Variants in BIN3 observed in about 807,000 individuals in gnomAD.
The protein encoded by BIN3 is bridging integrator 3.
A neutral mutation model predicts 38.2 loss-of-function variants in BIN3; 41 were observed. The ratio of observed to expected loss-of-function variants is 1.07; its 90% CI spans 0.84 to 1.39. The LOEUF is 1.39. Ranked by LOEUF, BIN3 falls within the 40% of genes most tolerant of loss-of-function variation. The pLI is 0.00. For missense variants in BIN3, 361 were observed against 324.3 expected (o/e 1.11, Z -0.87); for synonymous variants, 145 against 122.6 (o/e 1.18, Z -1.21).
In BIN3 at chr8:22,621,552, T is replaced by G; in HGVS notation, c.632A>C (p.Glu211Ala). ...CAGGTCTCCAAAGATCTTGTGCATT[T>G]CCGAGTAGTACACAACCTGGGGGAG... The part of the protein sequence containing the change: ...LIRAQVVYYS[E>A]MHKIFGDLSH... Residue 211 changes from glutamate to alanine, a missense_variant, in exon 9 of 9, where the codon GAA becomes GCA. Glu to Ala is a moderately radical substitution (Grantham distance 107, BLOSUM62 -1). Coordinates refer to ENST00000276416, the MANE Select transcript of BIN3 (RefSeq NM_018688.6). The G allele has an allele frequency of 6.2e-7, 1 of 1,613,826 alleles. No homozygotes were observed. Among genetic ancestry groups the G allele is most frequent in the African/African-American group, 1.3e-5 (1 of 75,054 alleles).
chr8:22,642,443 C>T (rs1802593996), intron 2 of BIN3, among the ~76,000 whole-genome samples: 1 of 152,212 alleles, frequency 6.6e-6, no homozygotes, highest in Non-Finnish European at 1.5e-5. Context: ...CAAATAACTA[C>T]TCCGAGCTGT....
chr8:22,658,107 G>A (rs1803115954), intron 1 of BIN3, among the ~76,000 whole-genome samples: 1 of 152,240 alleles, frequency 6.6e-6, no homozygotes, highest in Non-Finnish European at 1.5e-5. Flanking sequence ...AGGGTTCTGC[G>A]CTCTCTGCCT....
chr8:22,636,304 G>T (rs1223154214), intron 4 of BIN3, among the ~76,000 whole-genome samples: 1 of 152,236 alleles, frequency 6.6e-6, no homozygotes, highest in Non-Finnish European at 1.5e-5. Flanking sequence ...AGTCCCAGGA[G>T]AGCCTTGCCC....
At chr8:22,631,952 A>G (rs1340909068) in intron 4 of BIN3, among the ~76,000 whole-genome samples, 1 of 152,256 alleles carries the variant, frequency 6.6e-6, no homozygotes, top group Non-Finnish European at 1.5e-5. Flanking sequence ...GAGAAGGGTC[A>G]TGCTGGCCTG....
At chr8:22,662,031 C>T (rs1016828075) in intron 1 of BIN3, among the ~76,000 whole-genome samples, 1 of 152,180 alleles carries the variant, frequency 6.6e-6, no homozygotes, top group African/African-American at 2.4e-5. Context: ...CTGACCTCAA[C>T]TGATCTGCCC....
intron 5 of BIN3, 114 bp from the exon 6 acceptor site, chr8:22,630,118 T>A: frequency 8.4e-7 from 1 of 1,191,202 alleles, no homozygotes; most frequent in Middle Eastern, 2.1e-4. Context: ...CAGGGTGCTG[T>A]CCTTGTCCTG....
intron 1 of BIN3, among the ~76,000 whole-genome samples, chr8:22,663,695 C>G (rs1803318367): frequency 6.6e-6 from 1 of 152,190 alleles, no homozygotes; most frequent in African/African-American, 2.4e-5. Flanking sequence ...AATGCAGCCT[C>G]TACCCAAACC....
At chr8:22,638,752 T>A (rs1459958387) in intron 2 of BIN3, among the ~76,000 whole-genome samples, 1 of 152,202 alleles carries the variant, frequency 6.6e-6, no homozygotes, top group Non-Finnish European at 1.5e-5. Flanking sequence ...TACTTTATGA[T>A]CCTAGCATCT....
At chr8:22,630,400 G>T (rs1401378159) in intron 5 of BIN3, 42 bp downstream of exon 5, 4 of 1,609,960 alleles carry the variant, frequency 2.5e-6, no homozygotes, top group Non-Finnish European at 3.4e-6. Context: ...CCCAGACCGG[G>T]CAGAAGTCAT....
intron 1 of BIN3, among the ~76,000 whole-genome samples, chr8:22,663,815 T>C (rs1322456649): frequency 6.6e-6 from 1 of 152,110 alleles, no homozygotes; most frequent in Non-Finnish European, 1.5e-5. Context: ...GATCCTTCTC[T>C]CCCTCCCACT....
Position 22,669,043 on chromosome 8 carries a change from C to A in BIN3, c.8+1G>T, listed in dbSNP as rs1213199581. 1 of 1,588,468 alleles carries A rather than the reference C, an allele frequency of 6.3e-7. No individual in the cohort carries two copies. Among genetic ancestry groups the A allele is most frequent in the Non-Finnish European group, 8.6e-7 (1 of 1,168,026 alleles). On this transcript the variant is annotated splice_donor_variant, in intron 1 of 8. Transcript: ENST00000276416. LOFTEE classifies it high-confidence loss of function. Reference sequence around the variant, plus strand: ...GCTCCCGCCGCCTGGGCCTCACTCACCAGCTCATGGTCCCGAACCTGCGTC... The same window carrying A: ...GCTCCCGCCGCCTGGGCCTCACTCAACAGCTCATGGTCCCGAACCTGCGTC...
At chr8:22,661,512 C>T (rs1244765864) in intron 1 of BIN3, among the ~76,000 whole-genome samples, 2 of 151,644 alleles carry the variant, frequency 1.3e-5, no homozygotes, top group Non-Finnish European at 2.9e-5. Flanking sequence ...CGTGCACCAC[C>T]ACGCCTGGCT....
chr8:22,624,452 G>A (rs1276802827), intron 6 of BIN3, 89 bp from the exon 7 acceptor site: 9 of 1,523,854 alleles, frequency 5.9e-6, no homozygotes, highest in African/African-American at 2.8e-5. Context: ...TGGCCTGGCT[G>A]GAGATGGGTC....
At chr8:22,628,882 G>C (rs1802091094) in intron 6 of BIN3, among the ~76,000 whole-genome samples, 1 of 152,228 alleles carries the variant, frequency 6.6e-6, no homozygotes, top group South Asian at 2.1e-4. Flanking sequence ...CTGCACCCCA[G>C]CTCCCTACGC....
Position 22,644,772 on chromosome 8 carries a change from G to A in BIN3, c.40C>T (p.Gln14Ter), listed in dbSNP as rs953014283. 1.2e-6 allele frequency: 2 copies of A among 1,611,902 alleles called. No homozygotes were observed. Among genetic ancestry groups the A allele is most frequent in the African/African-American group, 2.7e-5 (2 of 74,944 alleles). Residue 14 changes from glutamine (Q) to a stop codon, truncating the protein, a stop_gained, in exon 2 of 9, where the codon CAG becomes TAG. Transcript: ENST00000276416. LOFTEE classifies it high-confidence loss of function. ...TTACTCACTGTTTTGGGCACAATCT[G>A]TTTCTTGGGCTGCCCAATCTTAAAA... The part of the protein sequence containing the change: ...IPFKIGQPKK[Q>*]IVPKTVERDF...
Position 22,658,295 on chromosome 8 carries a change from G to A in BIN3, c.8+10749C>T, listed in dbSNP as rs558602111. Among the ~76,000 whole-genome samples the A allele has an allele frequency of 2.0e-5, 3 of 152,252 alleles. No individual in the cohort carries two copies. The South Asian group carries it at 6.2e-4, about 32-fold the overall frequency. Reference sequence around the variant, plus strand: ...AAAAGAAAAAAAGTTCTGTGTGTACGGAGGGCAAAGGGGGGAAAGATTCTA... The same window carrying A: ...AAAAGAAAAAAAGTTCTGTGTGTACAGAGGGCAAAGGGGGGAAAGATTCTA... On this transcript the variant is annotated intron_variant, in intron 1 of 8. Coordinates refer to ENST00000276416, the MANE Select transcript of BIN3 (RefSeq NM_018688.6).
At chr8:22,634,414 C>G (rs150457043) in intron 4 of BIN3, 11 of 448,054 alleles carry the variant, frequency 2.5e-5, no homozygotes, top group Non-Finnish European at 4.0e-5. Flanking sequence ...AGCGCTCACC[C>G]GGGCATGGTG....
intron 1 of BIN3, among the ~76,000 whole-genome samples, chr8:22,646,678 G>A (rs1257848182): frequency 6.6e-6 from 1 of 152,198 alleles, no homozygotes; most frequent in African/African-American, 2.4e-5. Context: ...TAATAACCAG[G>A]GAGGAAAGGT....
chr8:22,649,250 C>T (rs1356597943), intron 1 of BIN3, among the ~76,000 whole-genome samples: 1 of 152,168 alleles, frequency 6.6e-6, no homozygotes, highest in African/African-American at 2.4e-5. Flanking sequence ...ATGGCTACCC[C>T]ACCTATATGG....
Sources: gnomAD v4.1 joint callset for allele counts (sites outside exome capture counted in the v4.1 genomes callset) on GRCh38, gnomAD v4.1.1 for gene constraint, MANE v1.5 for transcripts, NCBI Gene and HGNC (gene_info 2026-07-23, HGNC 2026-07-21) for gene names.